Variants in NLGN1 observed in about 807,000 individuals in gnomAD.
The protein encoded by NLGN1 is neuroligin 1, also known as neuroligin-1.
NLGN1 carries 12 observed loss-of-function variants against 65.5 expected under a neutral mutation model. The observed-to-expected ratio is 0.18, with a 90% confidence interval of 0.12 to 0.30. NLGN1 has a LOEUF of 0.30. NLGN1 is among the 10% of genes least tolerant of loss of function. NLGN1 has a pLI of 1.00. For missense variants in NLGN1, 750 were observed against 1,007.1 expected (o/e 0.74, Z 3.46); for synonymous variants, 350 against 359.5 (o/e 0.97, Z 0.30).
chr3:173,702,046 C>T (rs1229354073), intron 3 of NLGN1, among the ~76,000 whole-genome samples: 4 of 151,740 alleles, frequency 2.6e-5, no homozygotes, highest in African/African-American at 7.3e-5. Context: ...GAGACCATCC[C>T]GGCTAAAACG....
At chr3:173,907,341 A>ACCT (rs918381728) in intron 4 of NLGN1, among the ~76,000 whole-genome samples, 6 of 152,168 alleles carry the variant, frequency 3.9e-5, no homozygotes, top group Non-Finnish European at 8.8e-5. Flanking sequence ...TAAAATACCT[A>ACCT]CCTATAGCTA....
At chr3:173,490,634 G>A (rs1458779585) in intron 2 of NLGN1, among the ~76,000 whole-genome samples, 5 of 152,156 alleles carry the variant, frequency 3.3e-5, no homozygotes, top group Admixed American at 1.3e-4. Context: ...TGTGAAGAAA[G>A]TCATTAGTAG....
chr3:173,481,534 A>G (rs1576900383), intron 2 of NLGN1, among the ~76,000 whole-genome samples: 1 of 151,978 alleles, frequency 6.6e-6, no homozygotes, highest in South Asian at 2.1e-4. Flanking sequence ...ATAATCTTCA[A>G]TATGACTTTG....
rs1367827900 is a variant in NLGN1 at position 173,846,705 on chromosome 3, GAGATATGGAAAGATTAAATCATTTGCTCA to G, written c.646+38876_646+38904del. ...ATTTTACTCTACTGAGGAGAAAATC[GAGATATGGAAAGATTAAATCATTTGCTCA>G]AGGGTAAAATGAATTATGCATGCAT... On this transcript the variant is annotated intron_variant, in intron 4 of 6. Coordinates refer to ENST00000457714, the Ensembl canonical transcript of NLGN1. 2.0e-5 allele frequency among the ~76,000 whole-genome samples: 3 copies of G among 152,246 alleles called. No homozygotes were observed. The South Asian group carries it at 6.2e-4, about 32-fold the overall frequency.
At chr3:173,794,016 C>T (rs1713416888) in intron 3 of NLGN1, among the ~76,000 whole-genome samples, 2 of 152,024 alleles carry the variant, frequency 1.3e-5, no homozygotes, top group Non-Finnish European at 2.9e-5. Flanking sequence ...CCTTGTATGC[C>T]AGCCACACTG....
rs142374465 is a variant in NLGN1 at position 173,745,936 on chromosome 3, C to T, written c.494-61744C>T. On this transcript the variant is annotated intron_variant, in intron 3 of 6. Transcript: ENST00000457714. The stretch of plus-strand genomic sequence containing the variant: ...GCTTACATCATTGCAATCACTTATC[C>T]AAGTGTGTAACTGGTTTGCAATCAG... Among the ~76,000 whole-genome samples, 591 of 152,188 alleles carry T rather than the reference C, an allele frequency of 3.9e-3. 5 individuals carry two copies. Among genetic ancestry groups the T allele is most frequent in the African/African-American group, 0.013 (558 of 41,528 alleles).
chr3:173,567,000 T>C (rs1401331744), intron 2 of NLGN1, among the ~76,000 whole-genome samples: 2 of 152,156 alleles, frequency 1.3e-5, no homozygotes, highest in African/African-American at 4.8e-5. Flanking sequence ...GAGTAAACAA[T>C]TGGAAATGGA....
chr3:173,424,642 C>T (rs1336617605), intron 1 of NLGN1, among the ~76,000 whole-genome samples: 1 of 152,210 alleles, frequency 6.6e-6, no homozygotes, highest in Non-Finnish European at 1.5e-5. Context: ...CCGCCAGTCT[C>T]TTTGCTAAAG....
chr3:173,575,045 G>C (rs535671974), intron 2 of NLGN1, among the ~76,000 whole-genome samples: 1 of 151,964 alleles, frequency 6.6e-6, no homozygotes, highest in South Asian at 2.1e-4. Flanking sequence ...CCACCATGCC[G>C]GGCTATTTTT....
intron 3 of NLGN1, among the ~76,000 whole-genome samples, chr3:173,690,651 A>G (rs1035293288): frequency 9.9e-5 from 15 of 152,202 alleles, no homozygotes; most frequent in Admixed American, 8.5e-4. Context: ...TAGTGTATGA[A>G]TGATTCATGG....
At chr3:174,163,856 C>T (rs957242342) in intron 4 of NLGN1, among the ~76,000 whole-genome samples, 1 of 152,184 alleles carries the variant, frequency 6.6e-6, no homozygotes, top group Non-Finnish European at 1.5e-5. Context: ...GAAACTGATT[C>T]CATGTCATTG....
chr3:173,672,129 G>A (rs1287631913), intron 3 of NLGN1, among the ~76,000 whole-genome samples: 31 of 152,260 alleles, frequency 2.0e-4, no homozygotes, highest in East Asian at 5.8e-4. Context: ...AGTCAAGATC[G>A]CGCCACTGCA....
At chr3:173,525,391 T>C (rs1219502779) in intron 2 of NLGN1, among the ~76,000 whole-genome samples, 1 of 152,162 alleles carries the variant, frequency 6.6e-6, no homozygotes, top group Non-Finnish European at 1.5e-5. Flanking sequence ...CTAGGTTTTC[T>C]AGTTTGTGCA....
At chr3:174,268,283 G>T (rs887516577) in intron 4 of NLGN1, among the ~76,000 whole-genome samples, 3 of 152,126 alleles carry the variant, frequency 2.0e-5, no homozygotes, top group African/African-American at 7.2e-5. Flanking sequence ...GGAACTTCGT[G>T]AACTTTGAAT....
At chr3:174,048,271 G>T (rs994016194) in intron 4 of NLGN1, among the ~76,000 whole-genome samples, 2 of 152,038 alleles carry the variant, frequency 1.3e-5, no homozygotes, top group East Asian at 3.9e-4. Flanking sequence ...TGTAATTTTG[G>T]ACCAGTCACT....
At chr3:173,935,633 C>CTCTT (rs1296408238) in intron 4 of NLGN1, among the ~76,000 whole-genome samples, 9 of 150,352 alleles carry the variant, frequency 6.0e-5, no homozygotes, top group Non-Finnish European at 1.2e-4. Context: ...CTCTCTCTCT[C>CTCTT]TCTCTCTCTC....
chr3:174,167,849 G>T (rs758361752), intron 4 of NLGN1, among the ~76,000 whole-genome samples: 1 of 151,660 alleles, frequency 6.6e-6, no homozygotes, highest in Admixed American at 6.6e-5. Context: ...TAATTAACAG[G>T]TTTGCTAACT....
chr3:173,489,073 A>C (rs1053739416), intron 2 of NLGN1, among the ~76,000 whole-genome samples: 6 of 150,558 alleles, frequency 4.0e-5, no homozygotes, highest in African/African-American at 1.5e-4. Context: ...TTTTCTGCTT[A>C]CTTTTTTTTT....
intron 4 of NLGN1, among the ~76,000 whole-genome samples, chr3:174,071,059 T>G (rs985733870): frequency 5.9e-5 from 9 of 151,830 alleles, no homozygotes; most frequent in African/African-American, 2.2e-4. Context: ...TGTCTCAAAA[T>G]AAATAAATAA....
Sources: allele counts gnomAD v4.1 joint callset (sites outside exome capture counted in the v4.1 genomes callset), GRCh38; gene constraint gnomAD v4.1.1; transcripts MANE v1.5; gene names NCBI Gene and HGNC (gene_info 2026-07-23, HGNC 2026-07-21).